Variants in GRTP1 observed in about 807,000 individuals in gnomAD.
GRTP1 encodes the protein growth hormone-regulated TBC protein 1.
In GRTP1, 56 loss-of-function variants were observed where a neutral mutation model predicts 38.1. The ratio of observed to expected loss-of-function variants is 1.47; its 90% CI spans 1.19 to 1.84. The LOEUF is 1.84. GRTP1 is among the 40% of genes most tolerant of loss of function. GRTP1 has a pLI of 0.00. For missense variants in GRTP1, 506 were observed against 453.9 expected, an observed-to-expected ratio of 1.11 and a Z score of -1.04; for synonymous variants, 217 against 189.5, an observed-to-expected ratio of 1.14 and a Z score of -1.19.
At chr13:113,350,772 G>A (rs915006410) in intron 4 of GRTP1, 77 bp downstream of exon 4, 45 of 1,341,074 alleles carry the variant, frequency 3.4e-5, no homozygotes, top group South Asian at 6.1e-5. Context: ...ACGTGAGGCC[G>A]TCACTGCCGA....
Position 113,364,073 on chromosome 13 carries a change from G to T in GRTP1, c.-22C>A. 8.0e-7 allele frequency: 1 copy of T among 1,254,636 alleles called. No individual in the cohort carries two copies. Among genetic ancestry groups the T allele is most frequent in the South Asian group, 3.6e-5 (1 of 27,544 alleles). The allele number at this position is 1,254,636 out of a possible 1,614,324, so 77.7% of individuals were successfully genotyped here. On this transcript the variant is annotated 5_prime_UTR_variant, in exon 1 of 8. Transcript: ENST00000375431. The stretch of plus-strand genomic sequence containing the variant: ...GCATGCGGGGAGGGAGGCGCGCACC[G>T]AGCGAGGCCAGCGGGTCCCAAGTTC...
At chr13:113,356,143 AT>A (rs1344620170) in intron 2 of GRTP1, among the ~76,000 whole-genome samples, 39 of 152,226 alleles carry the variant, frequency 2.6e-4, no homozygotes, top group Non-Finnish European at 2.1e-4. Context: ...TAACATCTGA[AT>A]TAATTATGTT....
chr13:113,352,966 G>C (rs1168363266), intron 3 of GRTP1, among the ~76,000 whole-genome samples: 1 of 150,726 alleles, frequency 6.6e-6, no homozygotes, highest in Non-Finnish European at 1.5e-5. Context: ...CTGAAAGCAG[G>C]GACCCAGCAG....
chr13:113,328,252 G>T (rs922728550), intron 5 of GRTP1, among the ~76,000 whole-genome samples: 16 of 152,188 alleles, frequency 1.1e-4, no homozygotes, highest in African/African-American at 3.9e-4. Context: ...GAGGCTCCGG[G>T]ACGGCACCTG....
intron 5 of GRTP1, among the ~76,000 whole-genome samples, chr13:113,333,132 G>A (rs752930500): frequency 8.5e-5 from 13 of 152,258 alleles, no homozygotes; most frequent in Non-Finnish European, 1.5e-4. Flanking sequence ...GCCGGAGGGC[G>A]CTGGGGTATC....
chr13:113,347,424 G>A (rs533541571), intron 4 of GRTP1, among the ~76,000 whole-genome samples: 1,162 of 102,338 alleles, frequency 0.011, 89 homozygotes, highest in African/African-American at 0.051. Flanking sequence ...CAGTGGACCC[G>A]GGAGGACCTC....
intron 5 of GRTP1, among the ~76,000 whole-genome samples, chr13:113,330,446 GGGAGCCCGGGTGTGTGCATA>G (rs2042846456): frequency 7.2e-6 from 1 of 138,158 alleles, no homozygotes; most frequent in African/African-American, 2.9e-5. Flanking sequence ...GTGTGTGCAT[GGGAGCCCGGGTGTGTGCATA>G]AAAACCCAGG....
Position 113,325,649 on chromosome 13 carries a change from AG to A in GRTP1, c.921+11del. 1 of 1,603,492 alleles carries A rather than the reference AG, an allele frequency of 6.2e-7. No homozygotes were observed. The highest frequency in any genetic ancestry group is 8.5e-7 in the Non-Finnish European group (1 of 1,179,998). ...CCTGGGAGGGGACTGAGCCACGTGC[AG>A]CCCCACACACCTGCATAAACGTGTG... On this transcript the variant is annotated intron_variant, in intron 7 of 7. Coordinates refer to ENST00000375431, the MANE Select transcript of GRTP1 (RefSeq NM_024719.4).
At chr13:113,353,821 G>T (rs1202148329) in intron 3 of GRTP1, among the ~76,000 whole-genome samples, 1 of 152,182 alleles carries the variant, frequency 6.6e-6, no homozygotes, top group Non-Finnish European at 1.5e-5. Context: ...TGTAACCCTA[G>T]CACTTTGGGA....
chr13:113,357,849 T>G (rs2043423971), intron 2 of GRTP1, among the ~76,000 whole-genome samples: 1 of 152,170 alleles, frequency 6.6e-6, no homozygotes. Context: ...CCAGTGGTAC[T>G]TCTACAAACT....
At chr13:113,344,101 A>G (rs2043063951) in intron 5 of GRTP1, among the ~76,000 whole-genome samples, 2 of 152,262 alleles carry the variant, frequency 1.3e-5, no homozygotes. Flanking sequence ...TTACTTAAAA[A>G]GCAACCATGG....
chr13:113,337,741 C>G (rs1025555163), intron 5 of GRTP1, among the ~76,000 whole-genome samples: 2 of 152,236 alleles, frequency 1.3e-5, no homozygotes, highest in Non-Finnish European at 2.9e-5. Flanking sequence ...GCCAGCCCAA[C>G]GGGGGCGTGG....
At chr13:113,346,227 A>AGCAGACCCGGGAGGACCTCTGTGGCTG (rs2043124467) in intron 4 of GRTP1, among the ~76,000 whole-genome samples, 1 of 116,656 alleles carries the variant, frequency 8.6e-6, no homozygotes. Flanking sequence ...TGTGGCTGAG[A>AGCAGACCCGGGAGGACCTCTGTGGCTG]ACAGACCCGG....
At position 113,342,409 on chromosome 13, in the gene GRTP1, G is replaced by A. The variant is rs1010494003; in HGVS notation, c.562+2454C>T. Among the ~76,000 whole-genome samples the A allele has an allele frequency of 6.6e-6, 1 of 152,050 alleles. No homozygotes were observed. Among genetic ancestry groups the A allele is most frequent in the African/African-American group, 2.4e-5 (1 of 41,414 alleles). On this transcript the variant is annotated intron_variant, in intron 5 of 7. Coordinates refer to ENST00000375431, the MANE Select transcript of GRTP1 (RefSeq NM_024719.4). This position sits in a 1 kb window ranked among gnomAD's most constrained non-coding sequence, Gnocchi z 4.5. Reference sequence around the variant, plus strand: ...TGTAGTCCCAGCTACTCGGGAGGCTGAGGCAGGAGAATGGCGTGAACCTGG... The same window carrying A: ...TGTAGTCCCAGCTACTCGGGAGGCTAAGGCAGGAGAATGGCGTGAACCTGG...
chr13:113,346,138 G>A (rs1479112585), intron 4 of GRTP1, among the ~76,000 whole-genome samples: 9 of 135,058 alleles, frequency 6.7e-5, no homozygotes, highest in African/African-American at 2.4e-4. Context: ...GTGGACAAGA[G>A]CAGACCCGGG....
At chr13:113,362,732 G>A (rs1282141484) in intron 2 of GRTP1, among the ~76,000 whole-genome samples, 1 of 152,084 alleles carries the variant, frequency 6.6e-6, no homozygotes, top group African/African-American at 2.4e-5. Flanking sequence ...CCGACCCTCC[G>A]CCCAGGTGCA....
chr13:113,355,465 C>T lies in GRTP1; in HGVS notation c.198G>A (p.Arg66=), dbSNP rs1318500068. Residue 66 remains arginine, a synonymous_variant, in exon 3 of 8, where the codon CGG becomes CGA. Coordinates refer to ENST00000375431, the MANE Select transcript of GRTP1 (RefSeq NM_024719.4). Reference sequence around the variant, plus strand: ...CACGGTGCTCCAGCGGGACCCCTTTCCGGACATAGCGCTTCACTGAAGGCC... The same window carrying T: ...CACGGTGCTCCAGCGGGACCCCTTTTCGGACATAGCGCTTCACTGAAGGCC... ...PRSRTVKRYV[R]KGVPLEHRAR... is the part of the protein sequence containing the mutation. The T allele has an allele frequency of 6.2e-7, 1 of 1,611,910 alleles. No homozygotes were observed. The highest frequency in any genetic ancestry group is 2.2e-5 in the East Asian group (1 of 44,840).
intron 2 of GRTP1, among the ~76,000 whole-genome samples, 161 bp downstream of exon 2, chr13:113,363,601 C>G (rs1347646476): frequency 6.6e-6 from 1 of 152,190 alleles, no homozygotes; most frequent in Non-Finnish European, 1.5e-5. Context: ...GCGGGAAAAC[C>G]GGTCCCTGCG....
intron 2 of GRTP1, among the ~76,000 whole-genome samples, chr13:113,363,219 C>G (rs2043530348): frequency 2.0e-5 from 3 of 152,228 alleles, no homozygotes; most frequent in South Asian, 4.2e-4. Context: ...CTGTGGGTCC[C>G]GTCACAAGGA....
Sources: allele counts gnomAD v4.1 joint callset (sites outside exome capture counted in the v4.1 genomes callset), GRCh38; gene constraint gnomAD v4.1.1; non-coding constraint Gnocchi (gnomAD v3.1); transcripts MANE v1.5; gene names NCBI Gene and HGNC (gene_info 2026-07-23, HGNC 2026-07-21).